The following RET variants were observed in gnomAD, a reference collection of about 807,000 sequenced individuals.
The protein encoded by RET is ret proto-oncogene.
A neutral mutation model predicts 118.3 loss-of-function variants in RET; 19 were observed. The ratio of observed to expected loss-of-function variants is 0.16; its 90% CI spans 0.11 to 0.24. The LOEUF (loss-of-function observed/expected upper bound fraction) is 0.24, where lower values mean the gene tolerates loss of function less well. RET is among the 10% of genes least tolerant of loss of function. The pLI is 1.00. For synonymous variants in RET, 597 were observed against 644.1 expected (o/e 0.93, Z 1.11); for missense variants, 1,219 against 1,502.1 (o/e 0.81, Z 3.12).
intron 5 of RET, 54 bp from the exon 6 acceptor site, chr10:43,108,977 C>A: frequency 1.3e-6 from 2 of 1,545,224 alleles, no homozygotes; most frequent in Admixed American, 1.7e-5. Context: ...GTGTGCTACA[C>A]ATGAGGAAGC....
intron 1 of RET, among the ~76,000 whole-genome samples, chr10:43,086,153 T>C (rs1378136845): frequency 6.6e-6 from 1 of 151,998 alleles, no homozygotes; most frequent in Non-Finnish European, 1.5e-5. Context: ...CTAGCCTCTG[T>C]GTGGCCTCCA....
chr10:43,113,103 C>G, intron 9 of RET, 140 bp downstream of exon 9: 1 of 764,572 alleles, frequency 1.3e-6, no homozygotes. Context: ...TCAGCATCAC[C>G]CTAGCCATGG....
intron 18 of RET, among the ~76,000 whole-genome samples, chr10:43,125,882 C>G (rs1838317318): frequency 6.6e-6 from 1 of 152,192 alleles, no homozygotes; most frequent in Non-Finnish European, 1.5e-5. Context: ...CAGCGTTGTT[C>G]AAAACAGAAG....
rs144431581 is a variant in RET, at chr10:43,104,876, GCC to G, written c.626-72_626-71del. 0.36 allele frequency: 552,989 copies of G among 1,528,702 alleles called. 103,074 individuals carry two copies. Among genetic ancestry groups the G allele is most frequent in the Admixed American group, 0.44 (22,187 of 50,700 alleles). 94.7% of individuals were successfully genotyped at this position (1,528,702 alleles called of 1,614,324 possible). A position where few individuals can be genotyped will look rare whatever the true frequency, so the allele number is the denominator to read the frequency against. On this transcript the variant is annotated intron_variant, in intron 3 of 19. Transcript: ENST00000355710. Reference sequence around the variant, plus strand: ...GTGTGCGCCCCGCTCTGACCGCAGAGCCCCCTTCCCGAGGAAAGCGGCTGGCC... The same window carrying G: ...GTGTGCGCCCCGCTCTGACCGCAGAGCCCTTCCCGAGGAAAGCGGCTGGCC...
rs1233945445 is a variant in RET at position 43,126,723 on chromosome 10, G to A, written c.3187+1G>A. 3.7e-6 allele frequency: 6 copies of A among 1,613,794 alleles called. No individual in the cohort carries two copies. Among genetic ancestry groups the A allele is most frequent in the Non-Finnish European group, 5.1e-6 (6 of 1,179,938 alleles). On this transcript the variant is annotated splice_donor_variant, in intron 19 of 19. Coordinates refer to ENST00000355710, the MANE Select transcript of RET (RefSeq NM_020975.6). LOFTEE classifies it high-confidence loss of function. ...ACATGGATTGAAAACAAACTCTATG[G>A]TAGAATTTCCCATGCATTTACTAGA...
chr10:43,114,681 G>A lies in RET; in HGVS notation c.2081G>A (p.Arg694Gln), dbSNP rs141185224. ...AGCTACTCCTCTTCCGGTGCCCGCC[G>A]GCCCTCGCTGGACTCCATGGAGAAC... is the stretch of plus-strand genomic sequence containing the variant. ...PVSYSSSGAR[R>Q]PSLDSMENQV... The change falls in exon 11 of 20, where the codon CGG becomes CAG. Residue 694 changes from arginine to glutamine, a missense_variant. Transcript: ENST00000355710. The surrounding 1 kb of genome is among the most constrained non-coding windows in gnomAD (Gnocchi z 4.6). 176 of 1,612,200 alleles carry A rather than the reference G, an allele frequency of 1.1e-4. No homozygotes were observed. The highest frequency in any genetic ancestry group is 2.7e-4 in the South Asian group (25 of 91,064).
At chr10:43,112,734 G>T in intron 8 of RET, 119 bp from the exon 9 acceptor site, 1 of 777,674 alleles carries the variant, frequency 1.3e-6, no homozygotes, top group Non-Finnish European at 2.2e-6. Flanking sequence ...TGTATATGGT[G>T]TTTCCCTACT....
At position 43,128,372 on chromosome 10, in the gene RET, G is replaced by A; in HGVS notation, c.*103G>A. 2 of 1,391,102 alleles carry A rather than the reference G, an allele frequency of 1.4e-6. No homozygotes were observed. Among genetic ancestry groups the A allele is most frequent in the Non-Finnish European group, 2.0e-6 (2 of 984,446 alleles). 86.2% of individuals were successfully genotyped at this position (1,391,102 alleles called of 1,614,324 possible). A position where few individuals can be genotyped will look rare whatever the true frequency, so the allele number is the denominator to read the frequency against. Reference sequence around the variant, plus strand: ...GTGAACGTCACATTGGCCGAGCCGTGTTCAGTTCCCAGGTGGCAGACTCGT... The same window carrying A: ...GTGAACGTCACATTGGCCGAGCCGTATTCAGTTCCCAGGTGGCAGACTCGT... On this transcript the variant is annotated 3_prime_UTR_variant, in exon 20 of 20. Transcript: ENST00000355710.
At chr10:43,100,872 C>G in intron 2 of RET, 150 bp downstream of exon 2, 1 of 861,824 alleles carries the variant, frequency 1.2e-6, no homozygotes, top group Non-Finnish European at 1.8e-6. Context: ...GCTGGCCTGC[C>G]TCTGTGTCCA....
At chr10:43,107,674 C>T (rs930293188) in intron 5 of RET, among the ~76,000 whole-genome samples, 1 of 152,076 alleles carries the variant, frequency 6.6e-6, no homozygotes, top group African/African-American at 2.4e-5. Flanking sequence ...TGAGTGACCA[C>T]AGCCTGGAGA....
chr10:43,094,635 A>G (rs900984054), intron 1 of RET, among the ~76,000 whole-genome samples: 1 of 152,158 alleles, frequency 6.6e-6, no homozygotes, highest in Non-Finnish European at 1.5e-5. Flanking sequence ...TGAGAGACCA[A>G]GGGCCACAGC....
chr10:43,129,430 A>C lies in RET; in HGVS notation c.*1161A>C. 4.3e-6 allele frequency: 1 copy of C among 233,616 alleles called. No individual in the cohort carries two copies. Among genetic ancestry groups the C allele is most frequent in the South Asian group, 1.8e-4 (1 of 5,528 alleles). 14.5% of individuals were successfully genotyped at this position (233,616 alleles called of 1,614,324 possible). A position where few individuals can be genotyped will look rare whatever the true frequency, so the allele number is the denominator to read the frequency against. ...CAGCTCTTCCTGTGTTTGTAATTTA[A>C]TGCTGCTACAAGATGTTTCTGTTTC... On this transcript the variant is annotated 3_prime_UTR_variant, in exon 20 of 20. Coordinates refer to ENST00000355710, the MANE Select transcript of RET (RefSeq NM_020975.6).
At chr10:43,081,000 G>A (rs1023329455) in intron 1 of RET, among the ~76,000 whole-genome samples, 2 of 152,198 alleles carry the variant, frequency 1.3e-5, no homozygotes, top group Non-Finnish European at 2.9e-5. Flanking sequence ...GGGTACAGCT[G>A]TGTTTCCTCA....
intron 5 of RET, among the ~76,000 whole-genome samples, chr10:43,107,616 A>C (rs1203079098): frequency 6.6e-6 from 1 of 151,596 alleles, no homozygotes. Context: ...GTTACCCAAA[A>C]AACGAAACTC....
At chr10:43,089,435 A>G (rs1419684792) in intron 1 of RET, among the ~76,000 whole-genome samples, 4 of 152,236 alleles carry the variant, frequency 2.6e-5, no homozygotes, top group Non-Finnish European at 5.9e-5. Context: ...ATGCGTGTCC[A>G]TCTGTCCTGC....
At chr10:43,085,106 G>A (rs1837262166) in intron 1 of RET, among the ~76,000 whole-genome samples, 2 of 152,204 alleles carry the variant, frequency 1.3e-5, no homozygotes, top group Non-Finnish European at 2.9e-5. Flanking sequence ...GCATGGAGCT[G>A]GGGGGCCCTG....
chr10:43,079,552 G>A (rs1322163524), intron 1 of RET, among the ~76,000 whole-genome samples: 1 of 152,238 alleles, frequency 6.6e-6, no homozygotes, highest in Non-Finnish European at 1.5e-5. Flanking sequence ...AGCTTCTGGG[G>A]TTCCCCCCAG....
chr10:43,094,845 A>G (rs1837488851), intron 1 of RET, among the ~76,000 whole-genome samples: 1 of 152,242 alleles, frequency 6.6e-6, no homozygotes, highest in Non-Finnish European at 1.5e-5. Context: ...GAACAAGTGT[A>G]TAACAGTGTG....
chr10:43,119,891 A>G (rs1838170500), intron 14 of RET, 146 bp downstream of exon 14: 2 of 1,226,774 alleles, frequency 1.6e-6, no homozygotes, highest in Non-Finnish European at 1.2e-6. Flanking sequence ...ATGCCATGCT[A>G]TGGCTCACCA....
Sources: gnomAD v4.1 joint callset for allele counts (sites outside exome capture counted in the v4.1 genomes callset) on GRCh38, gnomAD v4.1.1 for gene constraint, Gnocchi (gnomAD v3.1) non-coding constraint, MANE v1.5 for transcripts, NCBI Gene and HGNC (gene_info 2026-07-23, HGNC 2026-07-21) for gene names.